The following PIP4K2A variants were observed in gnomAD, a reference collection of about 807,000 sequenced individuals.
PIP4K2A encodes phosphatidylinositol 5-phosphate 4-kinase type-2 alpha.
A neutral mutation model predicts 42.9 loss-of-function variants in PIP4K2A; 14 were observed. The observed-to-expected ratio is 0.33, with a 90% CI of 0.22 to 0.51. The LOEUF is 0.51. Ranked by LOEUF, PIP4K2A falls within the 20% of genes least tolerant of loss-of-function variation. The pLI is 0.97. For missense variants in PIP4K2A, 434 were observed against 519.8 expected (o/e 0.83, Z 1.61); for synonymous variants, 192 against 192.2 (o/e 1.00, Z 0.01).
chr10:22,578,855 T>C (rs1255773986), intron 4 of PIP4K2A, among the ~76,000 whole-genome samples: 1 of 152,156 alleles, frequency 6.6e-6, no homozygotes, highest in Non-Finnish European at 1.5e-5. Context: ...AATAAATGAA[T>C]CCAGCAAATA....
intron 1 of PIP4K2A, among the ~76,000 whole-genome samples, chr10:22,673,998 CAACT>C (rs1839506312): frequency 6.6e-6 from 1 of 152,158 alleles, no homozygotes; most frequent in African/African-American, 2.4e-5. Context: ...AATGAAAGCT[CAACT>C]TACTTAACTT....
intron 4 of PIP4K2A, among the ~76,000 whole-genome samples, chr10:22,574,947 A>G (rs1454375777): frequency 6.6e-6 from 1 of 152,134 alleles, no homozygotes; most frequent in Non-Finnish European, 1.5e-5. Context: ...AGACTGAGGA[A>G]GTCTAGTCTC....
intron 6 of PIP4K2A, among the ~76,000 whole-genome samples, chr10:22,557,847 T>G (rs1341316476): frequency 3.9e-5 from 6 of 152,304 alleles, no homozygotes; most frequent in Admixed American, 6.5e-5. Flanking sequence ...CCAAAATCTT[T>G]ATAATATAGA....
chr10:22,556,039 C>T (rs1402897374), intron 6 of PIP4K2A, among the ~76,000 whole-genome samples: 1 of 152,160 alleles, frequency 6.6e-6, no homozygotes, highest in African/African-American at 2.4e-5. Context: ...TTAAAATTTC[C>T]TTTGTTTTTA....
At chr10:22,638,947 T>G (rs12250665) in intron 1 of PIP4K2A, among the ~76,000 whole-genome samples, 4,248 of 152,282 alleles carry the variant, frequency 0.028, 195 homozygotes, top group African/African-American at 0.096. Flanking sequence ...AGCACCACCC[T>G]GAGCATGTGG....
chr10:22,567,958 A>C (rs1235634029), intron 5 of PIP4K2A, 69 bp from the exon 6 acceptor site: 8 of 1,390,432 alleles, frequency 5.8e-6, no homozygotes, highest in Non-Finnish European at 8.2e-6. Flanking sequence ...GAAAATATGA[A>C]AATGGCTCCA....
At chr10:22,658,870 C>G (rs1839151321) in intron 1 of PIP4K2A, among the ~76,000 whole-genome samples, 1 of 152,344 alleles carries the variant, frequency 6.6e-6, no homozygotes, top group African/African-American at 2.4e-5. Flanking sequence ...CACCCGAGGT[C>G]ACAAGGTCAT....
rs1256666938 is a variant in PIP4K2A at position 22,569,100 on chromosome 10, C to T, written c.640-1211G>A. The stretch of plus-strand genomic sequence containing the variant: ...TTGATTACTGGCTTTCATCGAGCAG[C>T]TCAGGCATTGACTAGGATTGAGCTT... On this transcript the variant is annotated intron_variant, in intron 5 of 9. Coordinates refer to ENST00000376573, the MANE Select transcript of PIP4K2A (RefSeq NM_005028.5). The T allele has an allele frequency of 3.6e-6, 5 of 1,389,080 alleles. No individual in the cohort carries two copies. In the Admixed American group the frequency reaches 5.9e-5, roughly 16 times the overall value. The allele number at this position is 1,389,080 out of a possible 1,614,324, so 86.0% of individuals were successfully genotyped here.
In PIP4K2A at chr10:22,612,346, C is replaced by A. The variant is rs114585518; in HGVS notation, c.145-2629G>T. On this transcript the variant is annotated intron_variant, in intron 1 of 9. Transcript: ENST00000376573. ...GGGCTACGAGCAAGTATGGAAAAGG[C>A]CCAGGCCAGATGGGGGAGGCATGTG... Among the ~76,000 whole-genome samples the A allele has an allele frequency of 9.8e-4, 150 of 152,290 alleles. 1 individual carries two copies. Among genetic ancestry groups the A allele is most frequent in the African/African-American group, 3.4e-3 (142 of 41,556 alleles).
Position 22,586,278 on chromosome 10 carries a change from C to A in PIP4K2A, c.492+5351G>T, listed in dbSNP as rs576139869. Among the ~76,000 whole-genome samples, 18 of 152,262 alleles carry A rather than the reference C, an allele frequency of 1.2e-4. No homozygotes were observed. The South Asian group carries it at 3.7e-3, about 32-fold the overall frequency. The stretch of plus-strand genomic sequence containing the variant: ...CTTCTTTCTTTGCACAGAGTGAAAG[C>A]TAGGGTAGAATTTGGGCAGGAAATA... On this transcript the variant is annotated intron_variant, in intron 4 of 9. Transcript: ENST00000376573.
intron 9 of PIP4K2A, among the ~76,000 whole-genome samples, chr10:22,538,600 C>CACTCCATG (rs1836000825): frequency 6.6e-6 from 1 of 152,220 alleles, no homozygotes; most frequent in Admixed American, 6.5e-5. Flanking sequence ...CTCTTTGCCA[C>CACTCCATG]ACTCCATGGT....
At chr10:22,652,063 G>C (rs72816858) in intron 1 of PIP4K2A, among the ~76,000 whole-genome samples, 4,371 of 152,146 alleles carry the variant, frequency 0.029, 94 homozygotes, top group Middle Eastern at 0.054. Context: ...CTGATACAGT[G>C]CTTAATTTGT....
At chr10:22,568,029 C>G (rs1343094432) in intron 5 of PIP4K2A, 140 bp from the exon 6 acceptor site, 1 of 758,452 alleles carries the variant, frequency 1.3e-6, no homozygotes, top group Non-Finnish European at 2.3e-6. Context: ...GAATGGGCTT[C>G]TCATCCCTCC....
chr10:22,577,077 C>CAA (rs5783800), intron 4 of PIP4K2A, among the ~76,000 whole-genome samples: 46 of 76,436 alleles, frequency 6.0e-4, no homozygotes, highest in Non-Finnish European at 6.8e-4. Flanking sequence ...ACTCCTGTCT[C>CAA]AAAAAAAAAA....
chr10:22,574,763 T>C (rs940963087), intron 4 of PIP4K2A, among the ~76,000 whole-genome samples: 1 of 152,244 alleles, frequency 6.6e-6, no homozygotes, highest in African/African-American at 2.4e-5. Context: ...TGAAATTAGA[T>C]GAGTGAAACA....
intron 4 of PIP4K2A, among the ~76,000 whole-genome samples, chr10:22,577,361 C>T (rs535861142): frequency 4.6e-5 from 7 of 152,072 alleles, no homozygotes; most frequent in African/African-American, 9.6e-5. Flanking sequence ...AGGTGGTGCT[C>T]GGTGGGAGGT....
chr10:22,580,561 C>T (rs1837248464), intron 4 of PIP4K2A, among the ~76,000 whole-genome samples: 1 of 149,592 alleles, frequency 6.7e-6, no homozygotes, highest in Admixed American at 6.6e-5. Context: ...CTTTTAACAA[C>T]CTATTATTTG....
chr10:22,696,871 C>G (rs1037021189), intron 1 of PIP4K2A, among the ~76,000 whole-genome samples: 6 of 152,090 alleles, frequency 3.9e-5, no homozygotes, highest in African/African-American at 1.4e-4. Flanking sequence ...AAATAAGGAT[C>G]AATTAAGGTC....
At chr10:22,597,025 C>T (rs941690170) in intron 3 of PIP4K2A, among the ~76,000 whole-genome samples, 8 of 152,218 alleles carry the variant, frequency 5.3e-5, no homozygotes, top group African/African-American at 1.9e-4. Flanking sequence ...TTCAGGTTTT[C>T]GATTTTGCCA....
Sources: allele counts gnomAD v4.1 joint callset (sites outside exome capture counted in the v4.1 genomes callset), GRCh38; gene constraint gnomAD v4.1.1; transcripts MANE v1.5; gene names NCBI Gene and HGNC (gene_info 2026-07-23, HGNC 2026-07-21).